Variants in DEPDC5 observed in about 807,000 individuals in gnomAD.
DEPDC5 encodes DEP domain containing 5, GATOR1 subcomplex subunit.
DEPDC5 carries 73 observed loss-of-function variants against 217.3 expected under a neutral mutation model. The observed-to-expected ratio is 0.34, with a 90% CI of 0.28 to 0.41. DEPDC5 has a LOEUF of 0.41. DEPDC5 is among the 10% of genes least tolerant of loss of function. DEPDC5 has a pLI of 1.00. For missense variants in DEPDC5, 1,675 were observed against 2,070.1 expected (o/e 0.81, Z 3.70); for synonymous variants, 733 against 756.7 (o/e 0.97, Z 0.51).
chr22:31,771,715 TCACACACACACACACACACACACA>T (rs55851105), intron 7 of DEPDC5, among the ~76,000 whole-genome samples: 994 of 78,084 alleles, frequency 0.013, 17 homozygotes, highest in African/African-American at 0.04. Flanking sequence ...CAAGACTCCG[TCACACACACACACACACACACACA>T]CACACACACA....
At chr22:31,754,388 C>T (rs111435872) in intron 1 of DEPDC5, among the ~76,000 whole-genome samples, 4 of 152,370 alleles carry the variant, frequency 2.6e-5, no homozygotes, top group African/African-American at 7.2e-5. Context: ...CTGCCTTCCT[C>T]CTCTTTGTGG....
chr22:31,835,154 A>C (rs148759225), intron 25 of DEPDC5, among the ~76,000 whole-genome samples: 2,081 of 152,276 alleles, frequency 0.014, 16 homozygotes, highest in Middle Eastern at 0.031. Context: ...ATAATAATAC[A>C]TAATACATGG....
intron 14 of DEPDC5, among the ~76,000 whole-genome samples, chr22:31,800,748 G>A (rs576655487): frequency 1.2e-4 from 19 of 152,142 alleles, no homozygotes; most frequent in East Asian, 5.8e-4. Flanking sequence ...AGGTTGAGGC[G>A]GACAGATCAC....
intron 39 of DEPDC5, among the ~76,000 whole-genome samples, chr22:31,896,589 C>T (rs1014797660): frequency 9.9e-5 from 15 of 151,724 alleles, no homozygotes; most frequent in African/African-American, 3.6e-4. Context: ...AGAAAATTGC[C>T]ACTGTTCCCT....
intron 2 of DEPDC5, among the ~76,000 whole-genome samples, chr22:31,755,843 A>G (rs2075279759): frequency 1.3e-5 from 2 of 151,948 alleles, no homozygotes; most frequent in Admixed American, 1.3e-4. Flanking sequence ...AGTTAACAAT[A>G]TAATGAATCT....
chr22:31,882,404 G>A (rs1385029942), intron 38 of DEPDC5, among the ~76,000 whole-genome samples: 2 of 152,160 alleles, frequency 1.3e-5, no homozygotes, highest in Non-Finnish European at 2.9e-5. Context: ...AGTAAATATT[G>A]GATCATGCAT....
chr22:31,785,087 T>G (rs528365039), intron 10 of DEPDC5: 1 of 473,494 alleles, frequency 2.1e-6, no homozygotes, highest in East Asian at 3.6e-5. Context: ...CTGAAAACTT[T>G]CCCCCAAGAT....
chr22:31,792,939 C>A, intron 12 of DEPDC5, 122 bp downstream of exon 12: 1 of 802,236 alleles, frequency 1.2e-6, no homozygotes, highest in Non-Finnish European at 1.7e-6. Flanking sequence ...ACAAAAAATT[C>A]GCCTCTTGTG....
intron 2 of DEPDC5, among the ~76,000 whole-genome samples, chr22:31,755,963 C>T (rs1216216568): frequency 6.6e-6 from 1 of 151,752 alleles, no homozygotes; most frequent in African/African-American, 2.4e-5. Flanking sequence ...ACCTCCACCT[C>T]CCAGGTTCAA....
intron 31 of DEPDC5, among the ~76,000 whole-genome samples, chr22:31,850,454 T>C (rs1232441418): frequency 6.6e-6 from 1 of 152,216 alleles, no homozygotes; most frequent in Non-Finnish European, 1.5e-5. Context: ...TATTAGTTAT[T>C]GTTGATAATC....
intron 32 of DEPDC5, 41 bp from the exon 33 acceptor site, chr22:31,861,327 C>T (rs1365554927): frequency 6.5e-7 from 1 of 1,546,942 alleles, no homozygotes; most frequent in Admixed American, 2.0e-5. Flanking sequence ...TCTTCGCTTC[C>T]TTGCAACTGC....
chr22:31,842,986 C>A, intron 27 of DEPDC5, 109 bp from the exon 28 acceptor site: 1 of 768,504 alleles, frequency 1.3e-6, no homozygotes, highest in Non-Finnish European at 2.0e-6. Flanking sequence ...TGAAACTGCC[C>A]CTAAGAGAAA....
At chr22:31,788,964 A>G (rs1214696435) in intron 10 of DEPDC5, among the ~76,000 whole-genome samples, 1 of 152,102 alleles carries the variant, frequency 6.6e-6, no homozygotes, top group African/African-American at 2.4e-5. Flanking sequence ...GATCTCGAAC[A>G]TGGCTCACTG....
Position 31,783,029 on chromosome 22 carries a change from G to C in DEPDC5, c.484-878G>C, listed in dbSNP as rs146518131. The stretch of plus-strand genomic sequence containing the variant: ...TGAAGCCAGCTGGACTTCCTGGGTC[G>C]AGTGGGGACTTGGAGAACTTTTCTG... On this transcript the variant is annotated intron_variant, in intron 8 of 42. Transcript: ENST00000651528. Among the ~76,000 whole-genome samples the C allele has an allele frequency of 6.3e-3, 954 of 152,310 alleles. 15 individuals are homozygous for C. Among genetic ancestry groups the C allele is most frequent in the African/African-American group, 0.022 (896 of 41,578 alleles).
At chr22:31,879,465 A>G (rs921923461) in intron 37 of DEPDC5, 60 bp from the exon 38 acceptor site, 139 of 1,501,374 alleles carry the variant, frequency 9.3e-5, no homozygotes, top group Non-Finnish European at 1.2e-4. Flanking sequence ...TGTAGCATGC[A>G]TCATGAAGAA....
intron 4 of DEPDC5, among the ~76,000 whole-genome samples, chr22:31,763,017 G>C (rs1381525752): frequency 6.6e-6 from 1 of 151,316 alleles, no homozygotes. Context: ...TTGAGATGGA[G>C]TCTCACTCTG....
In DEPDC5 at chr22:31,846,942, C is replaced by T; in HGVS notation, c.3130C>T (p.Leu1044=). 1.2e-6 allele frequency: 2 copies of T among 1,614,248 alleles called. No individual in the cohort carries two copies. The highest frequency in any genetic ancestry group is 1.1e-5 in the South Asian group (1 of 91,092). ...GKKGTSALSA[L]LEMEASQKCL... ...GAAGGGAACCTCAGCTCTCTCTGCC[C>T]TGTTGGAGATGGAGGCCAGTCAGAA... The change falls in exon 31 of 43, where the codon CTG becomes TTG. Residue 1044 remains leucine (L), a synonymous_variant. Transcript: ENST00000651528.
At chr22:31,829,543 A>G (rs1018630069) in intron 24 of DEPDC5, among the ~76,000 whole-genome samples, 1 of 152,158 alleles carries the variant, frequency 6.6e-6, no homozygotes, top group Non-Finnish European at 1.5e-5. Context: ...AGGGGAAAAA[A>G]AAAATCAGAG....
intron 11 of DEPDC5, 27 bp downstream of exon 11, chr22:31,792,129 T>TA: frequency 6.4e-7 from 1 of 1,559,382 alleles, no homozygotes; most frequent in Non-Finnish European, 8.8e-7. Context: ...CTCCTACAGT[T>TA]ATGTTTTTGT....
Sources: allele counts gnomAD v4.1 joint callset (sites outside exome capture counted in the v4.1 genomes callset), GRCh38; gene constraint gnomAD v4.1.1; transcripts MANE v1.5; gene names NCBI Gene and HGNC (gene_info 2026-07-23, HGNC 2026-07-21).